COL4A3: variants seen among roughly 807,000 people sequenced by gnomAD.
The protein encoded by COL4A3 is collagen type IV alpha 3 chain, also known as collagen alpha-3(IV) chain.
In COL4A3, 135 loss-of-function variants were observed where a neutral mutation model predicts 217.4. The observed-to-expected ratio is 0.62, with a 90% CI of 0.54 to 0.72. The LOEUF (loss-of-function observed/expected upper bound fraction) is 0.72, where lower values mean the gene tolerates loss of function less well. Ranked by LOEUF, COL4A3 falls within the 30% of genes least tolerant of loss-of-function variation. The pLI, the probability that COL4A3 is intolerant of heterozygous loss-of-function variation, is 0.00. For synonymous variants in COL4A3, 690 were observed against 736.3 expected (o/e 0.94, Z 1.02); for missense variants, 1,868 against 2,119.9 (o/e 0.88, Z 2.33).
chr2:227,200,438 A>G (rs944421639), intron 1 of COL4A3, among the ~76,000 whole-genome samples: 1 of 152,192 alleles, frequency 6.6e-6, no homozygotes, highest in African/African-American at 2.4e-5. Flanking sequence ...TGTTCTGCAT[A>G]AGGCCAGCCC....
At chr2:227,299,664 A>G (rs1203863559) in intron 43 of COL4A3, among the ~76,000 whole-genome samples, 2 of 152,206 alleles carry the variant, frequency 1.3e-5, no homozygotes, top group African/African-American at 2.4e-5. Context: ...GGCAGCAAAA[A>G]TTTACAATTT....
intron 1 of COL4A3, among the ~76,000 whole-genome samples, chr2:227,226,160 A>G (rs1429762952): frequency 1.3e-5 from 2 of 152,172 alleles, no homozygotes; most frequent in Non-Finnish European, 2.9e-5. Flanking sequence ...CATTGCTCTT[A>G]TATTGAAAAA....
intron 43 of COL4A3, among the ~76,000 whole-genome samples, chr2:227,299,677 G>C (rs2073194221): frequency 6.6e-6 from 1 of 152,160 alleles, no homozygotes; most frequent in Non-Finnish European, 1.5e-5. Flanking sequence ...TACAATTTTT[G>C]ATGCATCTGT....
intron 8 of COL4A3, chr2:227,248,196 T>TC (rs2069469015): frequency 7.3e-6 from 3 of 411,940 alleles, no homozygotes; most frequent in Non-Finnish European, 1.4e-5. Flanking sequence ...CGTTTTGATC[T>TC]CCCAAAGTGC....
intron 21 of COL4A3, 147 bp from the exon 22 acceptor site, chr2:227,266,270 G>C (rs1159869242): frequency 2.9e-6 from 2 of 695,154 alleles, no homozygotes; most frequent in Non-Finnish European, 5.2e-6. Context: ...TGGTCACCAT[G>C]CTTTCTCAGT....
chr2:227,249,230 A>ATATATATATATATTTTT, intron 9 of COL4A3, among the ~76,000 whole-genome samples: 2 of 14,688 alleles, frequency 1.4e-4, no homozygotes, highest in African/African-American at 5.3e-4. Context: ...ATATATATAT[A>ATATATATATATATTTTT]TTTTTTTTTT....
chr2:227,294,930 T>G, intron 39 of COL4A3, 34 bp from the exon 40 acceptor site: 2 of 1,432,834 alleles, frequency 1.4e-6, no homozygotes, highest in Non-Finnish European at 1.9e-6. Context: ...TATACCATAG[T>G]TTGGGGTTTT....
chr2:227,272,867 T>A (rs1343155959), intron 25 of COL4A3, 82 bp from the exon 26 acceptor site: 2 of 1,364,244 alleles, frequency 1.5e-6, no homozygotes, highest in African/African-American at 1.4e-5. Flanking sequence ...GCCTAACTGG[T>A]ATTCATATTT....
intron 6 of COL4A3, chr2:227,246,334 T>A: frequency 3.9e-6 from 2 of 506,810 alleles, no homozygotes; most frequent in South Asian, 4.2e-5. Flanking sequence ...TGACTGAGCT[T>A]TTCACTGTTC....
At chr2:227,305,905 T>G (rs958674884) in intron 47 of COL4A3, among the ~76,000 whole-genome samples, 8 of 152,206 alleles carry the variant, frequency 5.3e-5, no homozygotes, top group African/African-American at 1.7e-4. Flanking sequence ...CTAAATGTGC[T>G]TTCTGAATTT....
At position 227,291,202 on chromosome 2, in the gene COL4A3, A is replaced by G. The variant is rs139904583; in HGVS notation, c.3210+316A>G. 3.9e-3 allele frequency among the ~76,000 whole-genome samples: 592 copies of G among 152,288 alleles called. 4 individuals are homozygous for G. Among genetic ancestry groups the G allele is most frequent in the African/African-American group, 0.013 (546 of 41,552 alleles). The stretch of plus-strand genomic sequence containing the variant: ...AGGACAGTGGGTTTTTTCTTGTGAT[A>G]CAAAGTGGCCCATTTCTGCTGTACT... On this transcript the variant is annotated intron_variant, in intron 37 of 51. Transcript: ENST00000396578.
At chr2:227,234,907 G>C (rs1477746474) in intron 1 of COL4A3, among the ~76,000 whole-genome samples, 1 of 152,182 alleles carries the variant, frequency 6.6e-6, no homozygotes, top group Non-Finnish European at 1.5e-5. Flanking sequence ...TAGAGGCTCA[G>C]AATCCAGGTG....
intron 1 of COL4A3, chr2:227,228,614 A>G (rs950947249): frequency 6.6e-6 from 1 of 152,204 alleles, no homozygotes; most frequent in African/African-American, 2.4e-5. Context: ...ACCAGCATGC[A>G]CAGGAACGAG....
intron 3 of COL4A3, among the ~76,000 whole-genome samples, chr2:227,241,660 C>T (rs530260569): frequency 3.4e-5 from 5 of 147,362 alleles, no homozygotes; most frequent in East Asian, 2.0e-4. Flanking sequence ...GGTAATAGAG[C>T]GAGACTCCAT....
In COL4A3 at chr2:227,301,496, A is replaced by C. The variant is rs75826083; in HGVS notation, c.3883-1542A>C. Among the ~76,000 whole-genome samples the C allele has an allele frequency of 5.3e-5, 8 of 152,284 alleles. No individual in the cohort carries two copies. The East Asian group carries it at 1.4e-3, about 26-fold the overall frequency. The stretch of plus-strand genomic sequence containing the variant: ...TTTAAAAGTTTTTTTGAAAAATGAC[A>C]TATTTGCCCATCTTCAGTCTGTAGG... On this transcript the variant is annotated intron_variant, in intron 43 of 51. Transcript: ENST00000396578.
At chr2:227,286,248 T>C (rs927983806) in intron 34 of COL4A3, among the ~76,000 whole-genome samples, 1 of 151,686 alleles carries the variant, frequency 6.6e-6, no homozygotes, top group Non-Finnish European at 1.5e-5. Flanking sequence ...TCCCAGTATT[T>C]TGGGAGGCCA....
At chr2:227,291,568 AAAAAAAAAAAACAAAAAAAAAAAAC>A (rs2072726125) in intron 37 of COL4A3, among the ~76,000 whole-genome samples, 2 of 24,642 alleles carry the variant, frequency 8.1e-5, no homozygotes, top group African/African-American at 2.1e-4. Flanking sequence ...GTCTCAAAAA[AAAAAAAAAAAACAAAAAAAAAAAAC>A]AAAAAAAAAA....
At chr2:227,297,567 G>A (rs891536629) in intron 41 of COL4A3, 107 bp from the exon 42 acceptor site, 13 of 981,088 alleles carry the variant, frequency 1.3e-5, no homozygotes, top group Non-Finnish European at 2.0e-5. Flanking sequence ...CATATATTCT[G>A]AATCTGAACA....
rs374158562 is a variant in COL4A3 at position 227,311,839 on chromosome 2, G to A, written c.4982G>A (p.Arg1661His). ...KAGELEKIIS[R>H]CQVCMKKRH Reference sequence around the variant, plus strand: ...GGGGAATTAGAAAAAATAATAAGTCGCTGTCAGGTGTGCATGAAGAAAAGA... The same window carrying A: ...GGGGAATTAGAAAAAATAATAAGTCACTGTCAGGTGTGCATGAAGAAAAGA... Residue 1661 changes from arginine to histidine, a missense_variant, in exon 52 of 52, where the codon CGC becomes CAC. Around this residue, in one of 2 missense-constraint regions of COL4A3, gnomAD observed 1,503 missense variants for 1,786.1 expected, o/e 0.84. Transcript: ENST00000396578. 2.0e-5 allele frequency: 32 copies of A among 1,613,760 alleles called. No individual in the cohort carries two copies. The highest frequency in any genetic ancestry group is 2.5e-5 in the Non-Finnish European group (29 of 1,179,902).
Sources: gnomAD v4.1 joint callset for allele counts (sites outside exome capture counted in the v4.1 genomes callset) on GRCh38, gnomAD v4.1.1 for gene constraint, gnomAD v4.1.1 regional missense constraint, MANE v1.5 for transcripts, NCBI Gene and HGNC (gene_info 2026-07-23, HGNC 2026-07-21) for gene names.